Variants in ATP2B2 observed in about 807,000 individuals in gnomAD.
The protein encoded by ATP2B2 is plasma membrane calcium-transporting ATPase 2.
ATP2B2 carries 15 observed loss-of-function variants against 120.0 expected under a neutral mutation model. That is an observed-to-expected ratio of 0.12 (90% CI 0.08 to 0.19). The LOEUF is 0.19. ATP2B2 is among the 10% of genes least tolerant of loss of function. The pLI, the probability that ATP2B2 is intolerant of heterozygous loss-of-function variation, is 1.00. For missense variants in ATP2B2, 1,045 were observed against 1,719.8 expected (o/e 0.61, Z 6.94); for synonymous variants, 694 against 700.3 (o/e 0.99, Z 0.14).
intron 22 of ATP2B2, among the ~76,000 whole-genome samples, chr3:10,333,631 G>A (rs982666886): frequency 3.9e-5 from 6 of 152,164 alleles, no homozygotes; most frequent in African/African-American, 1.4e-4. Context: ...GGTTTGGTCA[G>A]GCTCTTTTTA....
intron 1 of ATP2B2, among the ~76,000 whole-genome samples, chr3:10,700,800 C>T (rs145198564): frequency 6.6e-6 from 1 of 152,348 alleles, no homozygotes; most frequent in East Asian, 1.9e-4. Flanking sequence ...TGGCTGTGAG[C>T]TCTGCCCTGT....
rs111892500 is a variant in ATP2B2, at chr3:10,597,959, A to G, written c.-415+21958T>C. On this transcript the variant is annotated intron_variant, in intron 2 of 21. Coordinates refer to the ATP2B2 transcript ENST00000646379. ...TATTGGGTAAACATCACATTTCGGG[A>G]GCCGATTTGAACAGGATGCTGGATT... 1.4e-4 allele frequency among the ~76,000 whole-genome samples: 22 copies of G among 152,280 alleles called. 1 individual carries two copies. Among genetic ancestry groups the G allele is most frequent in the African/African-American group, 5.3e-4 (22 of 41,562 alleles).
intron 2 of ATP2B2, among the ~76,000 whole-genome samples, chr3:10,411,286 G>A (rs2062601808): frequency 6.6e-6 from 1 of 152,206 alleles, no homozygotes; most frequent in South Asian, 2.1e-4. Context: ...AAGAGGCAAG[G>A]AAGGATTGTT....
chr3:10,448,607 T>A lies in ATP2B2; in HGVS notation c.199+738A>T, dbSNP rs1326368268. Reference sequence around the variant, plus strand: ...TGTAGAGATTCCAGGCCTGCTCAATTTTGGCAGTTGCAAGAAAGCCCCACT... The same window carrying A: ...TGTAGAGATTCCAGGCCTGCTCAATATTGGCAGTTGCAAGAAAGCCCCACT... On this transcript the variant is annotated intron_variant, in intron 2 of 22. Coordinates refer to ENST00000360273, the MANE Select transcript of ATP2B2 (RefSeq NM_001001331.4). Among the ~76,000 whole-genome samples, 3 of 152,146 alleles carry A rather than the reference T, an allele frequency of 2.0e-5. No homozygotes were observed. In the East Asian group the frequency reaches 5.8e-4, roughly 29 times the overall value.
intron 3 of ATP2B2, among the ~76,000 whole-genome samples, chr3:10,519,192 G>A (rs541090208): frequency 3.3e-4 from 50 of 152,318 alleles, no homozygotes; most frequent in African/African-American, 1.1e-3. Flanking sequence ...TCCAGAATCT[G>A]TACTCCGGGC....
chr3:10,447,976 C>T (rs1395957713), intron 2 of ATP2B2, among the ~76,000 whole-genome samples: 4 of 152,214 alleles, frequency 2.6e-5, no homozygotes, highest in African/African-American at 9.6e-5. Context: ...TCTTTCTGAA[C>T]CAGGAGAGCA....
intron 2 of ATP2B2, among the ~76,000 whole-genome samples, chr3:10,421,363 T>C (rs2062974825): frequency 6.6e-6 from 1 of 152,152 alleles, no homozygotes; most frequent in African/African-American, 2.4e-5. Flanking sequence ...GCCCTTCTCC[T>C]TCCCTGAAAG....
chr3:10,410,919 G>A, intron 2 of ATP2B2, 104 bp from the exon 3 acceptor site: 1 of 1,390,962 alleles, frequency 7.2e-7, no homozygotes. Flanking sequence ...GAAACTTGCT[G>A]GTGGCTGGCC....
chr3:10,602,962 C>T (rs555835730), intron 2 of ATP2B2, among the ~76,000 whole-genome samples: 41 of 152,212 alleles, frequency 2.7e-4, no homozygotes, highest in Non-Finnish European at 1.6e-4. Context: ...CTTAACTTCT[C>T]AGCACCCTCT....
At chr3:10,585,742 G>T (rs1211530312) in intron 2 of ATP2B2, among the ~76,000 whole-genome samples, 2 of 152,086 alleles carry the variant, frequency 1.3e-5, no homozygotes, top group East Asian at 3.9e-4. Flanking sequence ...TCAGAGCTCA[G>T]CTCCAGGGCT....
chr3:10,695,185 T>C lies in ATP2B2; in HGVS notation c.-460+12730A>G, dbSNP rs1001909799. 6.2e-5 allele frequency among the ~76,000 whole-genome samples: 9 copies of C among 144,656 alleles called. No individual in the cohort carries two copies. In the East Asian group the frequency reaches 1.4e-3, roughly 23 times the overall value. The allele number at this position is 144,656 out of a possible 152,430, so 94.9% of individuals were successfully genotyped here. On this transcript the variant is annotated intron_variant, in intron 1 of 21. Transcript: ENST00000646379. ...CGTGGCTGGGGAAGCCTCACAATCATGGTGGAAAGCAAGGAGGAGTAAGGC... is the reference window on the plus strand; with the variant it reads ...CGTGGCTGGGGAAGCCTCACAATCACGGTGGAAAGCAAGGAGGAGTAAGGC...
At chr3:10,619,664 A>G (rs113998332) in intron 2 of ATP2B2, among the ~76,000 whole-genome samples, 171 of 152,286 alleles carry the variant, frequency 1.1e-3, no homozygotes, top group African/African-American at 3.9e-3. Context: ...CAGCTTTCAG[A>G]CCTGCTTCTG....
At chr3:10,617,897 C>G (rs561323512) in intron 2 of ATP2B2, among the ~76,000 whole-genome samples, 91 of 150,404 alleles carry the variant, frequency 6.1e-4, no homozygotes, top group Admixed American at 1.1e-3. Flanking sequence ...AACATGCCCA[C>G]CTGGCCATTT....
intron 5 of ATP2B2, among the ~76,000 whole-genome samples, chr3:10,397,265 C>T (rs143676930): frequency 4.6e-5 from 7 of 152,294 alleles, no homozygotes; most frequent in African/African-American, 1.4e-4. Context: ...CCTGCGTGGG[C>T]AAGAGGATTG....
chr3:10,366,745 G>C (rs2061071175), intron 12 of ATP2B2, among the ~76,000 whole-genome samples: 1 of 152,194 alleles, frequency 6.6e-6, no homozygotes, highest in African/African-American at 2.4e-5. Flanking sequence ...CCATCTGAAA[G>C]CTCAGCTGTG....
At chr3:10,389,122 AT>A (rs1397709494) in intron 5 of ATP2B2, among the ~76,000 whole-genome samples, 2 of 152,226 alleles carry the variant, frequency 1.3e-5, no homozygotes, top group African/African-American at 4.8e-5. Flanking sequence ...AGAACTTTAG[AT>A]TTCTCAAACT....
chr3:10,342,738 G>T lies in ATP2B2; in HGVS notation c.2917+14C>A. 6.2e-7 allele frequency: 1 copy of T among 1,613,686 alleles called. No homozygotes were observed. The highest frequency in any genetic ancestry group is 8.5e-7 in the Non-Finnish European group (1 of 1,179,770). ...ACCCCGCCTGGGAGAGGCGTGGGTG[G>T]GCGAGGCGCTCACCAACAAAGAGCA... On this transcript the variant is annotated intron_variant, in intron 19 of 22. Coordinates refer to ENST00000360273, the MANE Select transcript of ATP2B2 (RefSeq NM_001001331.4). The surrounding 1 kb of genome is among the most constrained non-coding windows in gnomAD (Gnocchi z 4.4).
intron 2 of ATP2B2, among the ~76,000 whole-genome samples, chr3:10,535,543 C>A (rs1269560419): frequency 6.6e-6 from 1 of 152,192 alleles, no homozygotes; most frequent in Non-Finnish European, 1.5e-5. Flanking sequence ...TCATCCCTAA[C>A]CCCTGGCAAC....
intron 2 of ATP2B2, among the ~76,000 whole-genome samples, chr3:10,606,922 G>C (rs776837756): frequency 0.14 from 14,617 of 103,820 alleles, 976 homozygotes; most frequent in East Asian, 0.36. Flanking sequence ...CAGAGAGAGA[G>C]AGAGAGAGAG....
Sources: gnomAD v4.1 joint callset for allele counts (sites outside exome capture counted in the v4.1 genomes callset) on GRCh38, gnomAD v4.1.1 for gene constraint, Gnocchi (gnomAD v3.1) non-coding constraint, MANE v1.5 for transcripts, NCBI Gene and HGNC (gene_info 2026-07-23, HGNC 2026-07-21) for gene names.